Variants in CTNND2 observed in about 807,000 individuals in gnomAD.
The protein encoded by CTNND2 is catenin delta 2, also known as catenin delta-2.
CTNND2 carries 22 observed loss-of-function variants against 144.4 expected under a neutral mutation model. The observed-to-expected ratio is 0.15, with a 90% CI of 0.11 to 0.22. CTNND2 has a LOEUF of 0.22. Among genes scored for constraint, CTNND2 ranks in the 10% least tolerant of loss-of-function variants. CTNND2 has a pLI of 1.00. For missense variants in CTNND2, 1,353 were observed against 1,618.8 expected, an observed-to-expected ratio of 0.84 and a Z score of 2.82; for synonymous variants, 751 against 695.6, an observed-to-expected ratio of 1.08 and a Z score of -1.25.
At chr5:11,550,979 C>G (rs1775706081) in intron 3 of CTNND2, among the ~76,000 whole-genome samples, 2 of 152,302 alleles carry the variant, frequency 1.3e-5, no homozygotes, top group African/African-American at 4.8e-5. Flanking sequence ...TCTGCAGCCT[C>G]TGGAAGCCCT....
At chr5:11,706,438 G>A (rs1279520230) in intron 2 of CTNND2, among the ~76,000 whole-genome samples, 1 of 152,076 alleles carries the variant, frequency 6.6e-6, no homozygotes, top group Admixed American at 6.6e-5. Flanking sequence ...GTTTATTGGG[G>A]GAAATCTTAT....
At chr5:11,786,304 T>C (rs980810937) in intron 1 of CTNND2, among the ~76,000 whole-genome samples, 1 of 152,214 alleles carries the variant, frequency 6.6e-6, no homozygotes, top group Non-Finnish European at 1.5e-5. Context: ...ATTCATCAAT[T>C]TGCATATTTC....
At chr5:11,723,859 T>A (rs10067714) in intron 2 of CTNND2, among the ~76,000 whole-genome samples, 48,404 of 151,414 alleles carry the variant, frequency 0.32, 10,996 homozygotes, top group African/African-American at 0.65. Flanking sequence ...GATCGAGACA[T>A]TCCTGGCTAG....
chr5:11,180,365 T>C (rs1760884048), intron 11 of CTNND2, among the ~76,000 whole-genome samples: 1 of 152,210 alleles, frequency 6.6e-6, no homozygotes, highest in Non-Finnish European at 1.5e-5. Context: ...CAGGAAGTTC[T>C]TTATAGCAGT....
chr5:11,001,255 G>A (rs1739932358), intron 18 of CTNND2, among the ~76,000 whole-genome samples: 1 of 152,156 alleles, frequency 6.6e-6, no homozygotes, highest in African/African-American at 2.4e-5. Flanking sequence ...GCAAACAGGA[G>A]GCAGGTAATG....
Position 11,017,857 on chromosome 5 carries a change from C to T in CTNND2, c.3084+117G>A, listed in dbSNP as rs980855279. The T allele has an allele frequency of 7.8e-5, 59 of 753,660 alleles. 1 individual carries two copies. In the African/African-American group the frequency reaches 8.6e-4, roughly 11 times the overall value. 46.7% of individuals were successfully genotyped at this position (753,660 alleles called of 1,614,324 possible). ...CTTTTCTGGCTTCTTCACTGATTCT[C>T]GTTTCAGTTGTGTTTCAATGACTGA... On this transcript the variant is annotated intron_variant, in intron 18 of 21. Transcript: ENST00000304623.
At chr5:11,844,935 G>C (rs1300234618) in intron 1 of CTNND2, among the ~76,000 whole-genome samples, 1 of 152,044 alleles carries the variant, frequency 6.6e-6, no homozygotes, top group East Asian at 1.9e-4. Flanking sequence ...CCTCTTAACT[G>C]ACTGGCGGAG....
chr5:11,143,129 T>C (rs1221729409), intron 12 of CTNND2, among the ~76,000 whole-genome samples: 1 of 152,146 alleles, frequency 6.6e-6, no homozygotes, highest in East Asian at 1.9e-4. Flanking sequence ...ACAATATGTG[T>C]AAAGCACCTA....
chr5:11,493,393 T>C (rs563258760), intron 3 of CTNND2, among the ~76,000 whole-genome samples: 1 of 152,310 alleles, frequency 6.6e-6, no homozygotes, highest in African/African-American at 2.4e-5. Flanking sequence ...TAGGCTGCAC[T>C]TCTGAGAAAG....
At chr5:11,469,551 A>G (rs1766973346) in intron 3 of CTNND2, among the ~76,000 whole-genome samples, 1 of 152,152 alleles carries the variant, frequency 6.6e-6, no homozygotes, top group African/African-American at 2.4e-5. Flanking sequence ...GCTTGTTACA[A>G]ACAGATGATG....
chr5:11,283,659 G>T (rs1424056931), intron 9 of CTNND2, among the ~76,000 whole-genome samples: 2 of 96,802 alleles, frequency 2.1e-5, no homozygotes, highest in Non-Finnish European at 1.9e-5. Flanking sequence ...GGGTGAAAGA[G>T]TGAGACTCCG....
At chr5:11,281,564 C>T (rs1374767783) in intron 9 of CTNND2, among the ~76,000 whole-genome samples, 1 of 152,196 alleles carries the variant, frequency 6.6e-6, no homozygotes, top group Admixed American at 6.5e-5. Context: ...GCTACCATAA[C>T]AAAATATCAC....
At chr5:11,558,306 T>G (rs1776387175) in intron 3 of CTNND2, among the ~76,000 whole-genome samples, 1 of 151,906 alleles carries the variant, frequency 6.6e-6, no homozygotes, top group Non-Finnish European at 1.5e-5. Flanking sequence ...TTTACCTAAA[T>G]GCAGATAATG....
chr5:11,150,536 G>A (rs191558928), intron 12 of CTNND2, among the ~76,000 whole-genome samples: 3 of 151,922 alleles, frequency 2.0e-5, no homozygotes, highest in Admixed American at 2.0e-4. Flanking sequence ...GTGGAGAAGC[G>A]CAGTGCAGCA....
intron 3 of CTNND2, among the ~76,000 whole-genome samples, chr5:11,462,490 T>C (rs139340568): frequency 6.6e-6 from 1 of 152,098 alleles, no homozygotes; most frequent in African/African-American, 2.4e-5. Flanking sequence ...ATAGTGTCAT[T>C]AGTGGCCTCA....
At position 11,903,453 on chromosome 5, in the gene CTNND2, T is replaced by A; in HGVS notation, c.37+364A>T. 1.2e-6 allele frequency: 1 copy of A among 841,890 alleles called. No individual in the cohort carries two copies. The allele number at this position is 841,890 out of a possible 1,614,324, so 52.2% of individuals were successfully genotyped here. ...CACCCCCACCCCGTCTCCTCCCGTA[T>A]ATTAGGGACGTCATGAATGCACCGA... On this transcript the variant is annotated intron_variant, in intron 1 of 21. Transcript: ENST00000304623. This position sits in a 1 kb window ranked among gnomAD's most constrained non-coding sequence, Gnocchi z 5.4.
intron 10 of CTNND2, among the ~76,000 whole-genome samples, chr5:11,210,079 G>A (rs1432179914): frequency 2.6e-5 from 4 of 152,136 alleles, no homozygotes; most frequent in African/African-American, 7.2e-5. Flanking sequence ...AGGATAGAGT[G>A]TGACACTGGG....
chr5:11,805,712 TG>T (rs1791956363), intron 1 of CTNND2, among the ~76,000 whole-genome samples: 1 of 151,518 alleles, frequency 6.6e-6, no homozygotes, highest in Non-Finnish European at 1.5e-5. Flanking sequence ...AATAAGTAAA[TG>T]GGGAGAAACA....
rs540213192 is a variant in CTNND2 at position 11,747,329 on chromosome 5, T to C, written c.38-15057A>G. Among the ~76,000 whole-genome samples, 19 of 152,282 alleles carry C rather than the reference T, an allele frequency of 1.2e-4. 1 individual carries two copies. In the South Asian group the frequency reaches 3.3e-3, roughly 27 times the overall value. ...GGCACAGTACTTTAAAATTTGACTC[T>C]TCCAGAATAAAAGAGGAAGTTCTAA... On this transcript the variant is annotated intron_variant, in intron 1 of 21. Coordinates refer to ENST00000304623, the MANE Select transcript of CTNND2 (RefSeq NM_001332.4).
Sources: allele counts gnomAD v4.1 joint callset (sites outside exome capture counted in the v4.1 genomes callset), GRCh38; gene constraint gnomAD v4.1.1; non-coding constraint Gnocchi (gnomAD v3.1); transcripts MANE v1.5; gene names NCBI Gene and HGNC (gene_info 2026-07-23, HGNC 2026-07-21).